Variants in GPC5 observed in about 807,000 individuals in gnomAD.
GPC5 encodes the protein glypican 5.
GPC5 carries 47 observed loss-of-function variants against 53.9 expected under a neutral mutation model. That is an observed-to-expected ratio of 0.87 (90% confidence interval 0.69 to 1.11). The LOEUF (loss-of-function observed/expected upper bound fraction) is 1.11, where lower values mean the gene tolerates loss of function less well. GPC5 is among the 50% of genes most tolerant of loss of function. GPC5 has a pLI of 0.00. For synonymous variants in GPC5, 286 were observed against 263.3 expected (o/e 1.09, Z -0.84); for missense variants, 748 against 713.1 (o/e 1.05, Z -0.56).
chr13:92,775,126 G>A (rs1376322156), intron 7 of GPC5, among the ~76,000 whole-genome samples: 1 of 152,074 alleles, frequency 6.6e-6, no homozygotes, highest in East Asian at 1.9e-4. Context: ...ATTCATTTAT[G>A]GTCTTGTCCT....
chr13:92,849,344 A>C (rs934142081), intron 7 of GPC5, among the ~76,000 whole-genome samples: 3 of 152,218 alleles, frequency 2.0e-5, no homozygotes, highest in Admixed American at 6.5e-5. Context: ...AGGTTGAAGT[A>C]TTAAGTTAAA....
intron 2 of GPC5, among the ~76,000 whole-genome samples, chr13:91,540,784 A>G (rs1284182640): frequency 2.0e-5 from 3 of 152,280 alleles, no homozygotes; most frequent in African/African-American, 4.8e-5. Flanking sequence ...ATTCCCTGTG[A>G]TCATGATCCT....
chr13:92,830,862 A>G (rs1473733798), intron 7 of GPC5, among the ~76,000 whole-genome samples: 1 of 152,156 alleles, frequency 6.6e-6, no homozygotes, highest in Non-Finnish European at 1.5e-5. Context: ...ATTGGAAAAG[A>G]GTTCTCTCAG....
intron 6 of GPC5, among the ~76,000 whole-genome samples, chr13:91,987,109 T>C (rs563411490): frequency 1.8e-4 from 27 of 152,340 alleles, no homozygotes; most frequent in Admixed American, 1.3e-4. Context: ...GAAGACGTTA[T>C]GGCAAGGAAT....
chr13:92,442,246 T>C (rs980127454), intron 7 of GPC5, among the ~76,000 whole-genome samples: 6 of 152,180 alleles, frequency 3.9e-5, no homozygotes, highest in Admixed American at 3.3e-4. Flanking sequence ...ACCCCAAATT[T>C]ATGAGATAAT....
At chr13:91,882,450 T>A (rs1300413744) in intron 5 of GPC5, among the ~76,000 whole-genome samples, 1 of 152,026 alleles carries the variant, frequency 6.6e-6, no homozygotes, top group Non-Finnish European at 1.5e-5. Flanking sequence ...ATTAAATATT[T>A]TATTGTTTTC....
At chr13:92,658,785 T>TGTA in intron 7 of GPC5, among the ~76,000 whole-genome samples, 1 of 151,632 alleles carries the variant, frequency 6.6e-6, no homozygotes, top group Non-Finnish European at 1.5e-5. Context: ...GGGCTGGGAG[T>TGTA]GTAGATCTTG....
Position 92,309,924 on chromosome 13 carries a change from T to G in GPC5, c.1561+164935T>G, listed in dbSNP as rs185277329. On this transcript the variant is annotated intron_variant, in intron 7 of 7. Coordinates refer to ENST00000377067, the MANE Select transcript of GPC5 (RefSeq NM_004466.6). ...TCTCCCTGCAACCTACTACTTTTTA[T>G]CCCCTGGCAGTCTTCTTCTCTCTCC... is the stretch of plus-strand genomic sequence containing the variant. Among the ~76,000 whole-genome samples, 559 of 152,222 alleles carry G rather than the reference T, an allele frequency of 3.7e-3. 3 individuals carry two copies. The highest frequency in any genetic ancestry group is 0.013 in the African/African-American group (535 of 41,574).
intron 3 of GPC5, among the ~76,000 whole-genome samples, chr13:91,698,134 T>C (rs1274708178): frequency 6.6e-6 from 1 of 152,002 alleles, no homozygotes; most frequent in Non-Finnish European, 1.5e-5. Flanking sequence ...AGCTCCTGAC[T>C]TCATGATCCA....
At chr13:91,480,957 G>GTT (rs11374638) in intron 2 of GPC5, among the ~76,000 whole-genome samples, 366 of 148,244 alleles carry the variant, frequency 2.5e-3, no homozygotes, top group African/African-American at 7.0e-3. Context: ...TATCTTGGAG[G>GTT]TTTTTTTTTT....
At chr13:92,836,711 T>A (rs562511079) in intron 7 of GPC5, among the ~76,000 whole-genome samples, 4 of 152,110 alleles carry the variant, frequency 2.6e-5, no homozygotes, top group Non-Finnish European at 5.9e-5. Flanking sequence ...TTTAATGATA[T>A]ATATGCCAAC....
At chr13:91,764,002 GT>G (rs1196957404) in intron 5 of GPC5, among the ~76,000 whole-genome samples, 14 of 152,204 alleles carry the variant, frequency 9.2e-5, no homozygotes, top group Admixed American at 8.5e-4. Context: ...TTGTTATACT[GT>G]TTTTTAAAAC....
chr13:92,048,451 T>A (rs1357640270), intron 6 of GPC5, among the ~76,000 whole-genome samples: 3 of 152,062 alleles, frequency 2.0e-5, no homozygotes, highest in Non-Finnish European at 4.4e-5. Context: ...AGGGCAGAGT[T>A]TTATGGTGAG....
intron 2 of GPC5, among the ~76,000 whole-genome samples, chr13:91,610,798 A>T (rs964137048): frequency 2.0e-5 from 3 of 152,170 alleles, no homozygotes; most frequent in Admixed American, 6.5e-5. Context: ...TTTCTATCTA[A>T]TGGTCCGAAA....
chr13:92,067,588 C>T (rs1260272968), intron 6 of GPC5, among the ~76,000 whole-genome samples: 1 of 151,954 alleles, frequency 6.6e-6, no homozygotes, highest in Non-Finnish European at 1.5e-5. Flanking sequence ...TTTATCTGTA[C>T]ATAGGAAGAT....
intron 5 of GPC5, among the ~76,000 whole-genome samples, chr13:91,902,769 T>C (rs1293552362): frequency 6.6e-6 from 1 of 152,094 alleles, no homozygotes; most frequent in South Asian, 2.1e-4. Flanking sequence ...CATGTTTTTT[T>C]GCATGCAAAT....
intron 7 of GPC5, among the ~76,000 whole-genome samples, chr13:92,333,235 A>C (rs542206117): frequency 6.6e-6 from 1 of 152,296 alleles, no homozygotes; most frequent in Admixed American, 6.5e-5. Context: ...CTCTTAGTAA[A>C]TATCAGAGAA....
chr13:92,651,498 G>A (rs550478879), intron 7 of GPC5, among the ~76,000 whole-genome samples: 5 of 152,162 alleles, frequency 3.3e-5, no homozygotes, highest in Admixed American at 2.0e-4. Flanking sequence ...GAACTATCAC[G>A]GTCATCAATA....
intron 5 of GPC5, among the ~76,000 whole-genome samples, chr13:91,784,446 CG>C (rs1437391250): frequency 5.9e-5 from 9 of 151,918 alleles, no homozygotes; most frequent in African/African-American, 2.2e-4. Flanking sequence ...TATTTGAGGC[CG>C]GGCGCAGTGG....
Sources: allele counts gnomAD v4.1 joint callset (sites outside exome capture counted in the v4.1 genomes callset), GRCh38; gene constraint gnomAD v4.1.1; transcripts MANE v1.5; gene names NCBI Gene and HGNC (gene_info 2026-07-23, HGNC 2026-07-21).